FKBP5: variants seen among roughly 807,000 people sequenced by gnomAD.
The protein encoded by FKBP5 is FKBP prolyl isomerase 5.
Under a neutral mutation model 50.5 loss-of-function variants are expected in FKBP5, and 23 were observed. The observed-to-expected ratio is 0.46, with a 90% confidence interval of 0.33 to 0.65. FKBP5 has a LOEUF of 0.65. Ranked by LOEUF, FKBP5 falls within the 30% of genes least tolerant of loss-of-function variation. The pLI is 0.02. For missense variants in FKBP5, 411 were observed against 553.1 expected (o/e 0.74, Z 2.58); for synonymous variants, 176 against 190.6 (o/e 0.92, Z 0.63).
chr6:35,708,134 TC>T (rs1392727322), intron 2 of FKBP5, among the ~76,000 whole-genome samples: 3 of 152,220 alleles, frequency 2.0e-5, no homozygotes, highest in Admixed American at 1.3e-4. Flanking sequence ...GCAGAAATAT[TC>T]CCATATATGC....
At position 35,640,974 on chromosome 6, in the gene FKBP5, G is replaced by A. The variant is rs548632690; in HGVS notation, c.105+1746C>T. 3.3e-5 allele frequency among the ~76,000 whole-genome samples: 5 copies of A among 151,910 alleles called. No homozygotes were observed. In the South Asian group the frequency reaches 8.3e-4, roughly 25 times the overall value. Reference sequence around the variant, plus strand: ...CCTCCTGAGGGACCTGCCCAAGGCTGTTTTTTGTTTGTTCATTTGTTTTTG... The same window carrying A: ...CCTCCTGAGGGACCTGCCCAAGGCTATTTTTTGTTTGTTCATTTGTTTTTG... On this transcript the variant is annotated intron_variant, in intron 2 of 10. Transcript: ENST00000357266.
At chr6:35,702,192 C>T (rs976501967) in intron 2 of FKBP5, among the ~76,000 whole-genome samples, 2 of 151,906 alleles carry the variant, frequency 1.3e-5, no homozygotes, top group African/African-American at 4.8e-5. Flanking sequence ...CTCTGGACTC[C>T]TACATTTTCC....
intron 7 of FKBP5, among the ~76,000 whole-genome samples, chr6:35,589,129 T>TATTTTTATATATATATATATATATA (rs879865924): frequency 9.8e-6 from 1 of 102,152 alleles, no homozygotes; most frequent in African/African-American, 4.4e-5. Flanking sequence ...TATATATATA[T>TATTTTTATATATATATATATATATA]TTTTTTTTTT....
intron 4 of FKBP5, 92 bp from the exon 5 acceptor site, chr6:35,619,302 C>T (rs1036678307): frequency 1.7e-5 from 11 of 649,286 alleles, no homozygotes; most frequent in Non-Finnish European, 2.8e-5. Context: ...TTTCATTTTA[C>T]AAAATAAAGC....
At chr6:35,665,454 A>T (rs1359217973) in intron 1 of FKBP5, among the ~76,000 whole-genome samples, 4 of 150,606 alleles carry the variant, frequency 2.7e-5, no homozygotes, top group African/African-American at 9.8e-5. Context: ...CACCCAGCTA[A>T]TTTTTTTTGT....
At chr6:35,580,830 C>A (rs1762406332) in intron 8 of FKBP5, 3 of 984,794 alleles carry the variant, frequency 3.0e-6, no homozygotes, top group Non-Finnish European at 3.6e-6. Flanking sequence ...CATGAGCCAC[C>A]ACACCTGGCC....
At chr6:35,588,292 G>C (rs1762676690) in intron 7 of FKBP5, among the ~76,000 whole-genome samples, 1 of 152,108 alleles carries the variant, frequency 6.6e-6, no homozygotes, top group Non-Finnish European at 1.5e-5. Flanking sequence ...TGGGATTACA[G>C]GCGTGAGCTA....
At chr6:35,649,432 G>GA (rs1561876679) in intron 1 of FKBP5, among the ~76,000 whole-genome samples, 4 of 69,084 alleles carry the variant, frequency 5.8e-5, no homozygotes, top group Non-Finnish European at 1.1e-4. Context: ...TTGGCTAAAA[G>GA]GTTTTTTTTT....
intron 5 of FKBP5, among the ~76,000 whole-genome samples, chr6:35,615,242 A>G (rs1330975662): frequency 6.6e-6 from 1 of 152,048 alleles, no homozygotes; most frequent in African/African-American, 2.4e-5. Context: ...AGGTCCATAT[A>G]TTCTCTATCT....
chr6:35,683,323 T>C (rs538850236), intron 1 of FKBP5, among the ~76,000 whole-genome samples: 105 of 152,048 alleles, frequency 6.9e-4, no homozygotes, highest in African/African-American at 2.5e-3. Context: ...TGGAGAACTT[T>C]ATATTTTTTG....
chr6:35,676,619 T>C (rs998574000), intron 1 of FKBP5, among the ~76,000 whole-genome samples: 1 of 152,258 alleles, frequency 6.6e-6, no homozygotes, highest in Non-Finnish European at 1.5e-5. Flanking sequence ...AATTATTTTC[T>C]GCATAAGCAT....
chr6:35,677,619 C>T (rs1016565892), intron 1 of FKBP5, among the ~76,000 whole-genome samples: 2 of 152,192 alleles, frequency 1.3e-5, no homozygotes, highest in African/African-American at 4.8e-5. Flanking sequence ...AAGTCTGCTG[C>T]TCAAACTCCT....
chr6:35,632,797 G>C (rs764049184), intron 3 of FKBP5, among the ~76,000 whole-genome samples: 62 of 151,836 alleles, frequency 4.1e-4, no homozygotes, highest in Non-Finnish European at 8.7e-4. Context: ...GCTGAGGCAG[G>C]AGAATTGCTT....
upstream of FKBP5, among the ~76,000 whole-genome samples, chr6:35,691,006 CA>C (rs1439856115): frequency 6.7e-6 from 1 of 150,252 alleles, no homozygotes; most frequent in Non-Finnish European, 1.5e-5. Context: ...AACTCCATCT[CA>C]AAAAAAATAA....
In FKBP5 at chr6:35,618,964, G is replaced by A. The variant is rs2150977135; in HGVS notation, c.508+132C>T. The A allele has an allele frequency of 1.3e-5, 8 of 630,678 alleles. No individual in the cohort carries two copies. The East Asian group carries it at 2.0e-4, about 15-fold the overall frequency. 39.1% of individuals were successfully genotyped at this position (630,678 alleles called of 1,614,324 possible). On this transcript the variant is annotated intron_variant, in intron 5 of 10. Transcript: ENST00000357266. The stretch of plus-strand genomic sequence containing the variant: ...ACCCGCCTCGACCTCCCAAAGTGCT[G>A]GGATTACAGGCGTGAGTCACTGCGC...
intron 8 of FKBP5, chr6:35,582,721 T>C (rs1340669142): frequency 2.0e-6 from 2 of 985,260 alleles, no homozygotes; most frequent in African/African-American, 3.5e-5. Context: ...CCACTCCTTT[T>C]TTGGATGCTA....
chr6:35,581,927 C>T lies in FKBP5; in HGVS notation c.841-1706G>A, dbSNP rs551278078. Reference sequence around the variant, plus strand: ...CTCTCCCCACAAATACTCCAACCCTCACCCAAGGAGTCTGAGTAAGAGAAA... The same window carrying T: ...CTCTCCCCACAAATACTCCAACCCTTACCCAAGGAGTCTGAGTAAGAGAAA... On this transcript the variant is annotated intron_variant, in intron 8 of 10. Transcript: ENST00000357266. The T allele has an allele frequency of 8.5e-5, 84 of 985,514 alleles. No homozygotes were observed. The African/African-American group carries it at 1.4e-3, about 17-fold the overall frequency. The allele number at this position is 985,514 out of a possible 1,614,324, so 61.0% of individuals were successfully genotyped here.
At chr6:35,709,229 C>CT (rs1766374314) in intron 2 of FKBP5, among the ~76,000 whole-genome samples, 1 of 152,172 alleles carries the variant, frequency 6.6e-6, no homozygotes, top group South Asian at 2.1e-4. Context: ...AAAACTCCCC[C>CT]TTATAGAACC....
intron 8 of FKBP5, chr6:35,585,383 A>G: frequency 2.0e-6 from 2 of 981,688 alleles, no homozygotes; most frequent in Non-Finnish European, 2.4e-6. Flanking sequence ...ATTAGAATTA[A>G]AAACAAAACA....
Sources: allele counts gnomAD v4.1 joint callset (sites outside exome capture counted in the v4.1 genomes callset), GRCh38; gene constraint gnomAD v4.1.1; transcripts MANE v1.5; gene names NCBI Gene and HGNC (gene_info 2026-07-23, HGNC 2026-07-21).